The following ITGA4 variants were observed in gnomAD, a reference collection of about 807,000 sequenced individuals.
ITGA4 encodes the protein integrin alpha-4.
ITGA4 carries 63 observed loss-of-function variants against 133.6 expected under a neutral mutation model. The observed-to-expected ratio is 0.47, with a 90% CI of 0.38 to 0.58. The LOEUF (loss-of-function observed/expected upper bound fraction) is 0.58. ITGA4 is among the 20% of genes least tolerant of loss of function. The probability of loss-of-function intolerance (pLI) is 0.00; values close to 1 mark genes in which losing one functional copy is unlikely to be tolerated. For synonymous variants in ITGA4, 483 were observed against 438.0 expected, an observed-to-expected ratio of 1.10 and a Z score of -1.28; for missense variants, 1,076 against 1,252.7, an observed-to-expected ratio of 0.86 and a Z score of 2.13.
rs750685476 is a variant in ITGA4, at chr2:181,457,653, G to C, written c.-2G>C. 5 of 1,608,778 alleles carry C rather than the reference G, an allele frequency of 3.1e-6. No individual in the cohort carries two copies. The highest frequency in any genetic ancestry group is 4.2e-6 in the Non-Finnish European group (5 of 1,178,766). ...GTGTTGAATGTTCCCCACCGAGAGCGCATGGCTTGGGAAGCGAGGCGCGAA... is the reference window on the plus strand; with the variant it reads ...GTGTTGAATGTTCCCCACCGAGAGCCCATGGCTTGGGAAGCGAGGCGCGAA... On this transcript the variant is annotated 5_prime_UTR_variant, in exon 1 of 28. Transcript: ENST00000397033.
intron 9 of ITGA4, among the ~76,000 whole-genome samples, chr2:181,483,152 T>C (rs1232871181): frequency 6.6e-6 from 1 of 152,206 alleles, no homozygotes; most frequent in Non-Finnish European, 1.5e-5. Flanking sequence ...TATATTATGC[T>C]CTTGATAAGA....
chr2:181,506,220 C>T (rs921401982), intron 15 of ITGA4, among the ~76,000 whole-genome samples: 1 of 151,950 alleles, frequency 6.6e-6, no homozygotes, highest in Non-Finnish European at 1.5e-5. Context: ...TTTCTTATTC[C>T]TTCCAAATGT....
At chr2:181,510,092 G>T (rs1310254317) in intron 16 of ITGA4, among the ~76,000 whole-genome samples, 1 of 151,972 alleles carries the variant, frequency 6.6e-6, no homozygotes, top group East Asian at 1.9e-4. Flanking sequence ...TTACTAGAGA[G>T]AAATCATAAT....
chr2:181,496,405 A>T (rs1406269231), intron 14 of ITGA4, among the ~76,000 whole-genome samples: 1 of 152,282 alleles, frequency 6.6e-6, no homozygotes. Flanking sequence ...AGCCCGGGCA[A>T]TGGAATGAGA....
rs1371596119 is a variant in ITGA4 at position 181,535,540 on chromosome 2, A to G, written c.*13A>G. The G allele has an allele frequency of 6.3e-7, 1 of 1,588,494 alleles. No individual in the cohort carries two copies. Among genetic ancestry groups the G allele is most frequent in the South Asian group, 1.2e-5 (1 of 85,958 alleles). On this transcript the variant is annotated 3_prime_UTR_variant, in exon 28 of 28. Coordinates refer to ENST00000397033, the MANE Select transcript of ITGA4 (RefSeq NM_000885.6). ...CAATGATGATTAAGGACTTCTTTCAAATTGAGAGAATGGAAAACAGACTCA... is the reference window on the plus strand; with the variant it reads ...CAATGATGATTAAGGACTTCTTTCAGATTGAGAGAATGGAAAACAGACTCA...
chr2:181,504,900 C>A (rs955363089), intron 15 of ITGA4, among the ~76,000 whole-genome samples: 3 of 151,428 alleles, frequency 2.0e-5, no homozygotes, highest in Admixed American at 1.3e-4. Context: ...TGTTCTGTAC[C>A]ACTTGAGCCA....
intron 14 of ITGA4, among the ~76,000 whole-genome samples, chr2:181,498,130 C>T (rs1217219489): frequency 1.3e-5 from 2 of 151,768 alleles, no homozygotes; most frequent in Non-Finnish European, 2.9e-5. Context: ...CATGTGTTCA[C>T]TTCATGTATA....
At chr2:181,504,219 G>C (rs11689738) in intron 15 of ITGA4, among the ~76,000 whole-genome samples, 6 of 151,764 alleles carry the variant, frequency 4.0e-5, no homozygotes, top group African/African-American at 1.5e-4. Flanking sequence ...AGTGGCCTTC[G>C]CATGTTTTAT....
At position 181,538,042 on chromosome 2, in the gene ITGA4, T is replaced by TGAAACCATTCCC. The variant is rs1687264759; in HGVS notation, c.*2516_*2527dup. On this transcript the variant is annotated 3_prime_UTR_variant, in exon 28 of 28. Coordinates refer to ENST00000397033, the MANE Select transcript of ITGA4 (RefSeq NM_000885.6). ...TGATCTGAGGTGGAACAGTTCATCCTGAAACCATTCCCCCATCCACGGAAA... is the reference window on the plus strand; with the variant it reads ...TGATCTGAGGTGGAACAGTTCATCCTGAAACCATTCCCGAAACCATTCCCCCATCCACGGAAA... 1.1e-5 allele frequency: 8 copies of TGAAACCATTCCC among 700,388 alleles called. 1 individual carries two copies. Among genetic ancestry groups the TGAAACCATTCCC allele is most frequent in the South Asian group, 1.1e-4 (7 of 66,548 alleles). 43.4% of individuals were successfully genotyped at this position (700,388 alleles called of 1,614,324 possible).
chr2:181,481,844 T>G (rs1559042537), intron 7 of ITGA4, among the ~76,000 whole-genome samples, 161 bp downstream of exon 7: 1 of 152,200 alleles, frequency 6.6e-6, no homozygotes, highest in Non-Finnish European at 1.5e-5. Flanking sequence ...GTTATGGTTT[T>G]AGAAGAAATT....
intron 15 of ITGA4, 113 bp downstream of exon 15, chr2:181,498,890 C>T: frequency 7.3e-7 from 1 of 1,372,944 alleles, no homozygotes; most frequent in Non-Finnish European, 9.4e-7. Context: ...AACTGTTACC[C>T]CTCCTGAACT....
intron 10 of ITGA4, among the ~76,000 whole-genome samples, chr2:181,490,094 A>AT: frequency 6.6e-6 from 1 of 152,140 alleles, no homozygotes; most frequent in African/African-American, 2.4e-5. Context: ...CAGGATAGGG[A>AT]TTTTCACAGT....
At chr2:181,492,966 T>G in intron 10 of ITGA4, 1 of 175,796 alleles carries the variant, frequency 5.7e-6, no homozygotes. Context: ...TATGATCCCA[T>G]TATATAGGTG....
chr2:181,504,672 A>G (rs1465314897), intron 15 of ITGA4, among the ~76,000 whole-genome samples: 6 of 152,036 alleles, frequency 3.9e-5, no homozygotes, highest in African/African-American at 7.2e-5. Context: ...TTGAGGCAGG[A>G]TATTATCTTT....
intron 4 of ITGA4, chr2:181,475,775 G>T (rs1685660022): frequency 6.4e-7 from 1 of 1,567,184 alleles, no homozygotes; most frequent in Non-Finnish European, 8.6e-7. Flanking sequence ...AGAGATTCGT[G>T]TCTTGAGTTT....
Position 181,535,626 on chromosome 2 carries a change from T to G in ITGA4, c.*99T>G. The G allele has an allele frequency of 7.0e-7, 1 of 1,431,622 alleles. No individual in the cohort carries two copies. The highest frequency in any genetic ancestry group is 9.3e-7 in the Non-Finnish European group (1 of 1,071,498). 88.7% of individuals were successfully genotyped at this position (1,431,622 alleles called of 1,614,324 possible). ...AAGAAAAAATGAATTTTGTTTGGAC[T>G]TCTTTTACTCATGATCTTGTGACAT... On this transcript the variant is annotated 3_prime_UTR_variant, in exon 28 of 28. Transcript: ENST00000397033.
At chr2:181,527,172 A>G in intron 21 of ITGA4, 125 bp from the exon 22 acceptor site, 1 of 571,834 alleles carries the variant, frequency 1.7e-6, no homozygotes, top group Non-Finnish European at 3.1e-6. Context: ...TGTATATCTG[A>G]CCACAAAACC....
intron 16 of ITGA4, among the ~76,000 whole-genome samples, chr2:181,510,348 G>A (rs1047869045): frequency 2.0e-5 from 3 of 152,002 alleles, no homozygotes; most frequent in Non-Finnish European, 4.4e-5. Context: ...CATTTGAGAT[G>A]GATCCTACAT....
At chr2:181,470,475 T>A (rs537932684) in intron 2 of ITGA4, among the ~76,000 whole-genome samples, 1 of 152,262 alleles carries the variant, frequency 6.6e-6, no homozygotes, top group East Asian at 1.9e-4. Flanking sequence ...AAAATTCTTA[T>A]GTCTGGTTCT....
Sources: gnomAD v4.1 joint callset for allele counts (sites outside exome capture counted in the v4.1 genomes callset) on GRCh38, gnomAD v4.1.1 for gene constraint, MANE v1.5 for transcripts, NCBI Gene and HGNC (gene_info 2026-07-23, HGNC 2026-07-21) for gene names.